Variants in SGCZ observed in about 807,000 individuals in gnomAD.
SGCZ encodes the protein zeta-sarcoglycan.
In SGCZ, 40 loss-of-function variants were observed where a neutral mutation model predicts 41.3. That is an observed-to-expected ratio of 0.97 (90% CI 0.75 to 1.26). The LOEUF (loss-of-function observed/expected upper bound fraction) is 1.26, where lower values mean the gene tolerates loss of function less well. SGCZ is among the 50% of genes most tolerant of loss of function. The pLI is 0.00. For synonymous variants in SGCZ, 206 were observed against 137.5 expected (o/e 1.50, Z -3.49); for missense variants, 552 against 369.8 (o/e 1.49, Z -4.04).
At chr8:15,057,663 G>C (rs2131004618) in intron 1 of SGCZ, among the ~76,000 whole-genome samples, 1 of 152,224 alleles carries the variant, frequency 6.6e-6, no homozygotes, top group Admixed American at 6.5e-5. Flanking sequence ...ACTTACAAAG[G>C]ACACAATGTG....
At chr8:15,070,481 T>G (rs1805309729) in intron 1 of SGCZ, among the ~76,000 whole-genome samples, 2 of 152,192 alleles carry the variant, frequency 1.3e-5, no homozygotes, top group African/African-American at 4.8e-5. Context: ...AATAATTGAC[T>G]GGGACTTGAT....
intron 1 of SGCZ, among the ~76,000 whole-genome samples, chr8:14,595,806 T>C (rs1158794190): frequency 6.6e-6 from 1 of 152,192 alleles, no homozygotes; most frequent in African/African-American, 2.4e-5. Flanking sequence ...AGTGGAAAAT[T>C]TAATTGTTCT....
intron 2 of SGCZ, among the ~76,000 whole-genome samples, chr8:14,522,538 C>G (rs1458234708): frequency 6.6e-6 from 1 of 151,694 alleles, no homozygotes; most frequent in Non-Finnish European, 1.5e-5. Context: ...CCTTTTTTAT[C>G]CTTTTGATGT....
chr8:14,573,104 T>G (rs906262742), intron 1 of SGCZ, among the ~76,000 whole-genome samples: 1 of 151,996 alleles, frequency 6.6e-6, no homozygotes, highest in Non-Finnish European at 1.5e-5. Flanking sequence ...ATGTGGCAAG[T>G]GTAACCACTT....
At chr8:14,445,542 C>A (rs1224783872) in intron 2 of SGCZ, among the ~76,000 whole-genome samples, 1 of 152,044 alleles carries the variant, frequency 6.6e-6, no homozygotes, top group East Asian at 1.9e-4. Flanking sequence ...CCCCACCTGC[C>A]CCCTTCTCCA....
At chr8:14,297,399 ATAAG>A (rs1383755800) in intron 3 of SGCZ, among the ~76,000 whole-genome samples, 1 of 152,012 alleles carries the variant, frequency 6.6e-6, no homozygotes, top group Non-Finnish European at 1.5e-5. Context: ...ATATATAGAA[ATAAG>A]TAATTAAGAG....
chr8:14,999,534 T>G (rs1802335813), intron 1 of SGCZ, among the ~76,000 whole-genome samples: 1 of 152,118 alleles, frequency 6.6e-6, no homozygotes, highest in Admixed American at 6.5e-5. Context: ...GCTGCAATAC[T>G]TATTAGGGTC....
intron 1 of SGCZ, among the ~76,000 whole-genome samples, chr8:15,056,566 T>A (rs772080895): frequency 5.3e-5 from 8 of 151,796 alleles, no homozygotes; most frequent in African/African-American, 1.9e-4. Context: ...ACATTAGAAA[T>A]GATAGTGTCT....
chr8:14,563,669 G>C (rs1233658896), intron 1 of SGCZ, among the ~76,000 whole-genome samples: 1 of 152,064 alleles, frequency 6.6e-6, no homozygotes. Context: ...TTAGAGGTGA[G>C]ATCTGGTACA....
In SGCZ at chr8:15,229,103, A is replaced by G. The variant is rs572127150; in HGVS notation, c.39+8482T>C. ...GCTATTCAGGAGGCTGAGGTGGGAG[A>G]ATCGCTTGAACCCAGGAGGCAGAGG... On this transcript the variant is annotated intron_variant, in intron 1 of 7. Transcript: ENST00000382080. Among the ~76,000 whole-genome samples the G allele has an allele frequency of 3.0e-3, 452 of 152,202 alleles. 1 individual carries two copies. The highest frequency in any genetic ancestry group is 0.011 in the African/African-American group (439 of 41,528).
In SGCZ at chr8:14,896,789, C is replaced by CT. The variant is rs1229381185; in HGVS notation, c.39+340795dup. On this transcript the variant is annotated intron_variant, in intron 1 of 7. Transcript: ENST00000382080. ...ACCACACCTGGCTGACTTTTTTTTT[C>CT]TTTTTTTGACACAGAGTCTTGCTCT... Among the ~76,000 whole-genome samples, 19 of 150,204 alleles carry CT rather than the reference C, an allele frequency of 1.3e-4. No individual in the cohort carries two copies. In the East Asian group the frequency reaches 1.8e-3, roughly 14 times the overall value.
chr8:14,736,940 C>G (rs2264530), intron 1 of SGCZ, among the ~76,000 whole-genome samples: 60,954 of 151,398 alleles, frequency 0.4, 14,067 homozygotes, highest in Non-Finnish European at 0.53. Flanking sequence ...TTTATAGCAG[C>G]ACAATTCACA....
At chr8:14,752,602 C>T (rs1799533102) in intron 1 of SGCZ, among the ~76,000 whole-genome samples, 2 of 152,262 alleles carry the variant, frequency 1.3e-5, no homozygotes, top group South Asian at 4.1e-4. Flanking sequence ...AACTAAAATA[C>T]TCCCTTGGTC....
chr8:14,456,733 A>G (rs538687015), intron 2 of SGCZ, among the ~76,000 whole-genome samples: 9 of 152,322 alleles, frequency 5.9e-5, no homozygotes, highest in African/African-American at 2.2e-4. Context: ...GTCCTCACCC[A>G]AATCTCATGT....
intron 3 of SGCZ, among the ~76,000 whole-genome samples, chr8:14,240,899 T>C (rs1798859956): frequency 6.6e-6 from 1 of 152,190 alleles, no homozygotes; most frequent in South Asian, 2.1e-4. Flanking sequence ...AAAATACGTA[T>C]AATGATGAAA....
At chr8:14,654,521 T>C (rs1433093361) in intron 1 of SGCZ, among the ~76,000 whole-genome samples, 1 of 152,148 alleles carries the variant, frequency 6.6e-6, no homozygotes, top group Non-Finnish European at 1.5e-5. Flanking sequence ...TCAATAAATA[T>C]GAGCTTTACT....
At chr8:14,148,213 A>G (rs180850296) in intron 5 of SGCZ, among the ~76,000 whole-genome samples, 1 of 152,268 alleles carries the variant, frequency 6.6e-6, no homozygotes, top group East Asian at 1.9e-4. Context: ...GAGCAGAGAT[A>G]AATGAAATTG....
chr8:14,451,486 G>A (rs7830759), intron 2 of SGCZ, among the ~76,000 whole-genome samples: 59,339 of 151,948 alleles, frequency 0.39, 11,905 homozygotes, highest in Non-Finnish European at 0.45. Context: ...CATTTTAAAT[G>A]TGGAACCGAA....
chr8:14,863,921 G>A (rs1039143685), intron 1 of SGCZ, among the ~76,000 whole-genome samples: 4 of 152,134 alleles, frequency 2.6e-5, no homozygotes, highest in Non-Finnish European at 4.4e-5. Context: ...TTGCATGGAA[G>A]AAATGACCAG....
Sources: allele counts gnomAD v4.1 joint callset (sites outside exome capture counted in the v4.1 genomes callset), GRCh38; gene constraint gnomAD v4.1.1; transcripts MANE v1.5; gene names NCBI Gene and HGNC (gene_info 2026-07-23, HGNC 2026-07-21).